SLIT2: variants seen among roughly 807,000 people sequenced by gnomAD.
SLIT2 encodes slit guidance ligand 2, also known as slit homolog 2 protein.
SLIT2 carries 41 observed loss-of-function variants against 185.7 expected under a neutral mutation model. That is an observed-to-expected ratio of 0.22 (90% CI 0.17 to 0.29). The LOEUF is 0.29. Ranked by LOEUF, SLIT2 falls within the 10% of genes least tolerant of loss-of-function variation. The probability of loss-of-function intolerance (pLI) is 1.00; values close to 1 mark genes in which losing one functional copy is unlikely to be tolerated. For missense variants in SLIT2, 1,571 were observed against 1,909.0 expected, an observed-to-expected ratio of 0.82 and a Z score of 3.30; for synonymous variants, 693 against 680.2, an observed-to-expected ratio of 1.02 and a Z score of -0.29.
Position 20,262,461 on chromosome 4 carries a change from G to T in SLIT2, c.323+4522G>T, listed in dbSNP as rs146445448. Among the ~76,000 whole-genome samples, 276 of 151,940 alleles carry T rather than the reference G, an allele frequency of 1.8e-3. 1 individual carries two copies. The highest frequency in any genetic ancestry group is 6.4e-3 in the African/African-American group (266 of 41,510). Reference sequence around the variant, plus strand: ...TGTTTATCAAGGATTAGTCTCTTCTGACTAATCCGACAAGTTTATAGGCAA... The same window carrying T: ...TGTTTATCAAGGATTAGTCTCTTCTTACTAATCCGACAAGTTTATAGGCAA... On this transcript the variant is annotated intron_variant, in intron 3 of 36. Transcript: ENST00000504154.
At chr4:20,414,647 C>T (rs1727517571) in intron 4 of SLIT2, among the ~76,000 whole-genome samples, 1 of 152,212 alleles carries the variant, frequency 6.6e-6, no homozygotes, top group Non-Finnish European at 1.5e-5. Flanking sequence ...AGAATCCTTG[C>T]ATGACATCTT....
chr4:20,292,853 T>A (rs1235383462), intron 4 of SLIT2, among the ~76,000 whole-genome samples: 1 of 152,210 alleles, frequency 6.6e-6, no homozygotes, highest in Non-Finnish European at 1.5e-5. Flanking sequence ...GATACAGTGA[T>A]AATGTATTAT....
intron 4 of SLIT2, among the ~76,000 whole-genome samples, chr4:20,278,404 G>C (rs1714375762): frequency 6.6e-6 from 1 of 152,128 alleles, no homozygotes; most frequent in South Asian, 2.1e-4. Flanking sequence ...GAGCAATTAT[G>C]TAGGCACTTT....
At chr4:20,487,552 G>C (rs1344269368) in intron 7 of SLIT2, among the ~76,000 whole-genome samples, 1 of 151,904 alleles carries the variant, frequency 6.6e-6, no homozygotes, top group Admixed American at 6.6e-5. Flanking sequence ...TTCCTAATTG[G>C]AATTTTTATA....
chr4:20,607,839 A>G (rs913507810), intron 33 of SLIT2, among the ~76,000 whole-genome samples: 2 of 152,186 alleles, frequency 1.3e-5, no homozygotes, highest in Admixed American at 6.5e-5. Context: ...TAGGACATCC[A>G]TATAAAACTA....
At chr4:20,567,638 T>A in intron 28 of SLIT2, 23 bp downstream of exon 28, 1 of 1,502,920 alleles carries the variant, frequency 6.7e-7, no homozygotes. Flanking sequence ...TCTATGACCA[T>A]CTGTGTCTGA....
intron 4 of SLIT2, among the ~76,000 whole-genome samples, chr4:20,408,020 G>A (rs1160033181): frequency 2.6e-5 from 4 of 152,150 alleles, no homozygotes; most frequent in East Asian, 3.9e-4. Flanking sequence ...GAAAAAATGC[G>A]AGAACCGTGG....
At chr4:20,514,286 A>C (rs951560122) in intron 11 of SLIT2, among the ~76,000 whole-genome samples, 7 of 152,194 alleles carry the variant, frequency 4.6e-5, no homozygotes, top group African/African-American at 1.7e-4. Context: ...CAATTGCTAA[A>C]TAAATAAAAC....
At chr4:20,267,268 A>T (rs1713126892) in intron 3 of SLIT2, among the ~76,000 whole-genome samples, 2 of 151,988 alleles carry the variant, frequency 1.3e-5, no homozygotes, top group African/African-American at 4.8e-5. Context: ...TTTAAATTTT[A>T]CCTTGTTATG....
In SLIT2 at chr4:20,293,625, C is replaced by T. The variant is rs540035631; in HGVS notation, c.395+24744C>T. On this transcript the variant is annotated intron_variant, in intron 4 of 36. Transcript: ENST00000504154. ...GGGTTTAGCATCAATTCTTAGCTTT[C>T]TTCCTGAAACCATTTCCCATCTTCT... 7.2e-5 allele frequency among the ~76,000 whole-genome samples: 11 copies of T among 152,302 alleles called. 1 individual carries two copies. The South Asian group carries it at 2.3e-3, about 32-fold the overall frequency.
At chr4:20,458,392 G>A (rs1713326714) in intron 4 of SLIT2, among the ~76,000 whole-genome samples, 1 of 152,088 alleles carries the variant, frequency 6.6e-6, no homozygotes, top group Admixed American at 6.6e-5. Flanking sequence ...AAAGCTAGAA[G>A]GTACCATTTA....
At position 20,578,101 on chromosome 4, in the gene SLIT2, A is replaced by G. The variant is rs1233769865; in HGVS notation, c.3088+9097A>G. Among the ~76,000 whole-genome samples, 4 of 152,126 alleles carry G rather than the reference A, an allele frequency of 2.6e-5. No individual in the cohort carries two copies. The East Asian group carries it at 7.7e-4, about 29-fold the overall frequency. ...TTTAATTCTCTCTTTGCTTCCTTACATTGTTCTTTATGTGATCTGGGTCTC... is the reference window on the plus strand; with the variant it reads ...TTTAATTCTCTCTTTGCTTCCTTACGTTGTTCTTTATGTGATCTGGGTCTC... On this transcript the variant is annotated intron_variant, in intron 29 of 36. Transcript: ENST00000504154.
chr4:20,306,714 G>A (rs1026624153), intron 4 of SLIT2, among the ~76,000 whole-genome samples: 2 of 151,836 alleles, frequency 1.3e-5, no homozygotes, highest in African/African-American at 2.4e-5. Context: ...GCCTTTGCCT[G>A]GACTGTACTT....
chr4:20,530,465 T>C (rs975158967), intron 16 of SLIT2, among the ~76,000 whole-genome samples: 1 of 152,038 alleles, frequency 6.6e-6, no homozygotes, highest in South Asian at 2.1e-4. Flanking sequence ...GTACTTTTTG[T>C]AGAGATGGGA....
intron 4 of SLIT2, among the ~76,000 whole-genome samples, chr4:20,340,413 T>C (rs1190938006): frequency 1.3e-5 from 2 of 152,172 alleles, no homozygotes; most frequent in Non-Finnish European, 2.9e-5. Flanking sequence ...ATAATCCTTT[T>C]AAACCAAGGG....
chr4:20,577,785 A>G (rs185800525), intron 29 of SLIT2, among the ~76,000 whole-genome samples: 43 of 152,330 alleles, frequency 2.8e-4, no homozygotes, highest in Non-Finnish European at 4.6e-4. Flanking sequence ...ATAAAGAACA[A>G]ATGGGAAATG....
rs759622666 is a variant in SLIT2, at chr4:20,511,587, A to ATTTTTT, written c.1058+461_1058+466dup. Among the ~76,000 whole-genome samples the ATTTTTT allele has an allele frequency of 9.1e-4, 75 of 82,174 alleles. 1 individual carries two copies. The highest frequency in any genetic ancestry group is 1.8e-3 in the Admixed American group (11 of 6,188). 53.9% of individuals were successfully genotyped at this position (82,174 alleles called of 152,430 possible). ...AGGCGCCTGCCACCACATCCAGCTA[A>ATTTTTT]TTTTTTTTTTTTTTTTATTTTTGGT... On this transcript the variant is annotated intron_variant, in intron 11 of 36. Transcript: ENST00000504154.
In SLIT2 at chr4:20,416,899, C is replaced by T. The variant is rs542934330; in HGVS notation, c.396-50853C>T. Among the ~76,000 whole-genome samples the T allele has an allele frequency of 2.6e-5, 4 of 152,000 alleles. No individual in the cohort carries two copies. In the South Asian group the frequency reaches 8.3e-4, roughly 32 times the overall value. ...CTGATCTTAAGTGTATCTGACTTGC[C>T]TTCTATGTTCTTCCAGCCACAGGAA... On this transcript the variant is annotated intron_variant, in intron 4 of 36. Coordinates refer to ENST00000504154, the MANE Select transcript of SLIT2 (RefSeq NM_004787.4).
chr4:20,400,143 T>C (rs1257097790), intron 4 of SLIT2, among the ~76,000 whole-genome samples: 1 of 151,850 alleles, frequency 6.6e-6, no homozygotes, highest in Non-Finnish European at 1.5e-5. Context: ...AGGGGGACTT[T>C]CTACTTTATT....
Sources: allele counts gnomAD v4.1 joint callset (sites outside exome capture counted in the v4.1 genomes callset), GRCh38; gene constraint gnomAD v4.1.1; transcripts MANE v1.5; gene names NCBI Gene and HGNC (gene_info 2026-07-23, HGNC 2026-07-21).